The following MSRB3 variants were observed in gnomAD, a reference collection of about 807,000 sequenced individuals.
MSRB3 encodes methionine-R-sulfoxide reductase B3.
A neutral mutation model predicts 21.0 loss-of-function variants in MSRB3; 13 were observed. The observed-to-expected ratio is 0.62, with a 90% CI of 0.40 to 0.98. The LOEUF is 0.98. Among genes scored for constraint, MSRB3 ranks in the 50% least tolerant of loss-of-function variants. The pLI is 0.00. For synonymous variants in MSRB3, 87 were observed against 88.6 expected (o/e 0.98, Z 0.10); for missense variants, 199 against 230.3 (o/e 0.86, Z 0.88).
At chr12:65,366,507 G>A (rs1370455457) in intron 4 of MSRB3, among the ~76,000 whole-genome samples, 1 of 152,172 alleles carries the variant, frequency 6.6e-6, no homozygotes, top group African/African-American at 2.4e-5. Flanking sequence ...CTCATCATTG[G>A]TGGATCTAAA....
chr12:65,284,346 G>A (rs1027580913), intron 1 of MSRB3: 5 of 152,232 alleles, frequency 3.3e-5, no homozygotes, highest in African/African-American at 4.8e-5. Flanking sequence ...AAGACCTAAC[G>A]AGAATAGCGG....
In MSRB3 at chr12:65,332,117, G is replaced by A. The variant is rs142333134; in HGVS notation, c.263+3514G>A. On this transcript the variant is annotated intron_variant, in intron 4 of 6. Coordinates refer to ENST00000308259, the MANE Select transcript of MSRB3 (RefSeq NM_001031679.3). Reference sequence around the variant, plus strand: ...AGGCAAAGAAGATGGATTTAGAGGCGAGAGGCTCTAACTTTATTTGAGCAC... The same window carrying A: ...AGGCAAAGAAGATGGATTTAGAGGCAAGAGGCTCTAACTTTATTTGAGCAC... Among the ~76,000 whole-genome samples the A allele has an allele frequency of 7.2e-5, 11 of 152,288 alleles. No homozygotes were observed. The East Asian group carries it at 1.5e-3, about 21-fold the overall frequency.
chr12:65,400,263 A>G (rs940146812), intron 5 of MSRB3, among the ~76,000 whole-genome samples: 1 of 146,250 alleles, frequency 6.8e-6, no homozygotes, highest in Non-Finnish European at 1.5e-5. Flanking sequence ...TTGGTAGGCT[A>G]TTAATTATTG....
intron 1 of MSRB3, among the ~76,000 whole-genome samples, chr12:65,299,922 A>G (rs1315019058): frequency 6.6e-6 from 1 of 152,170 alleles, no homozygotes; most frequent in African/African-American, 2.4e-5. Context: ...GTGCACATCG[A>G]TTACTTCCAG....
intron 2 of MSRB3, among the ~76,000 whole-genome samples, chr12:65,315,814 A>T (rs2136433382): frequency 6.6e-6 from 1 of 152,118 alleles, no homozygotes; most frequent in South Asian, 2.1e-4. Flanking sequence ...AGATGTATTT[A>T]TTATATTGAG....
At chr12:65,450,917 A>G (rs1882828133) in intron 5 of MSRB3, among the ~76,000 whole-genome samples, 1 of 152,212 alleles carries the variant, frequency 6.6e-6, no homozygotes, top group Non-Finnish European at 1.5e-5. Context: ...CTTCTCTGCC[A>G]TAAGGCAGTT....
At chr12:65,301,839 A>G (rs1411434445) in intron 1 of MSRB3, among the ~76,000 whole-genome samples, 1 of 152,194 alleles carries the variant, frequency 6.6e-6, no homozygotes, top group Non-Finnish European at 1.5e-5. Context: ...TATGTACTTC[A>G]ACCAAAACAA....
In MSRB3 at chr12:65,464,541, G is replaced by A. The variant is rs1183544671; in HGVS notation, c.*1219G>A. On this transcript the variant is annotated 3_prime_UTR_variant, in exon 7 of 7. Transcript: ENST00000308259. ...CTAAAATTCAAAAAGAAGAACGCCT[G>A]TCCATCGCCTTTTTATAAGTCCTTC... 6.6e-6 allele frequency: 1 copy of A among 152,216 alleles called. No individual in the cohort carries two copies. The highest frequency in any genetic ancestry group is 1.5e-5 in the Non-Finnish European group (1 of 68,054). 9.4% of individuals were successfully genotyped at this position (152,216 alleles called of 1,614,324 possible).
chr12:65,326,360 C>G (rs1016905735), intron 2 of MSRB3, among the ~76,000 whole-genome samples: 1 of 151,978 alleles, frequency 6.6e-6, no homozygotes, highest in Non-Finnish European at 1.5e-5. Context: ...TTAAATCATC[C>G]ACAATGGAAA....
Position 65,278,883 on chromosome 12 carries a change from T to C in MSRB3, c.-52+18T>C. On this transcript the variant is annotated intron_variant, in intron 1 of 6. Coordinates refer to ENST00000308259, the MANE Select transcript of MSRB3 (RefSeq NM_001031679.3). ...GCAGTCCGGTAAGTTCGGGCTCCCC[T>C]CCCCTCTCCTCCTCGCCTCACCCCT... 6.5e-7 allele frequency: 1 copy of C among 1,550,184 alleles called. No individual in the cohort carries two copies. The highest frequency in any genetic ancestry group is 1.2e-5 in the South Asian group (1 of 83,992).
At chr12:65,446,377 A>T (rs549694010) in intron 5 of MSRB3, among the ~76,000 whole-genome samples, 1 of 152,342 alleles carries the variant, frequency 6.6e-6, no homozygotes, top group African/African-American at 2.4e-5. Context: ...AATCTGAGCC[A>T]GTTAAAGCGG....
At chr12:65,380,504 G>C (rs1878881629) in intron 5 of MSRB3, among the ~76,000 whole-genome samples, 2 of 152,144 alleles carry the variant, frequency 1.3e-5, no homozygotes, top group South Asian at 4.1e-4. Context: ...GAACCCGGGA[G>C]GTGGAGGCTG....
intron 2 of MSRB3, among the ~76,000 whole-genome samples, chr12:65,315,021 C>A (rs1874205507): frequency 6.6e-6 from 1 of 152,096 alleles, no homozygotes; most frequent in South Asian, 2.1e-4. Flanking sequence ...AAGGAATGAG[C>A]CATGAATGAC....
At chr12:65,339,527 G>A (rs1876003442) in intron 4 of MSRB3, among the ~76,000 whole-genome samples, 2 of 152,196 alleles carry the variant, frequency 1.3e-5, no homozygotes, top group African/African-American at 4.8e-5. Context: ...TAAATGTGGG[G>A]TTGGGAAGAG....
chr12:65,301,400 T>C (rs1483769112), intron 1 of MSRB3, among the ~76,000 whole-genome samples: 2 of 152,006 alleles, frequency 1.3e-5, no homozygotes, highest in South Asian at 2.1e-4. Context: ...GTTGTAAGAA[T>C]AGGTAAAATC....
At chr12:65,411,438 A>G (rs901225128) in intron 5 of MSRB3, among the ~76,000 whole-genome samples, 1 of 152,162 alleles carries the variant, frequency 6.6e-6, no homozygotes, top group Non-Finnish European at 1.5e-5. Flanking sequence ...TATGCTACCC[A>G]TTATACTCAG....
intron 2 of MSRB3, among the ~76,000 whole-genome samples, chr12:65,310,165 A>T (rs900023571): frequency 5.3e-5 from 8 of 152,140 alleles, no homozygotes; most frequent in African/African-American, 1.9e-4. Context: ...TTATGGTGAC[A>T]TGAGGGGCTA....
At chr12:65,303,204 A>G (rs937314327) in intron 1 of MSRB3, among the ~76,000 whole-genome samples, 1 of 152,146 alleles carries the variant, frequency 6.6e-6, no homozygotes, top group Non-Finnish European at 1.5e-5. Context: ...CAATCAGCTC[A>G]TTTATTCTGG....
intron 5 of MSRB3, among the ~76,000 whole-genome samples, chr12:65,388,068 C>A (rs1345514235): frequency 6.6e-6 from 1 of 152,092 alleles, no homozygotes; most frequent in Non-Finnish European, 1.5e-5. Flanking sequence ...CTTTCTATTT[C>A]TTTAGGAAAA....
Sources: allele counts gnomAD v4.1 joint callset (sites outside exome capture counted in the v4.1 genomes callset), GRCh38; gene constraint gnomAD v4.1.1; transcripts MANE v1.5; gene names NCBI Gene and HGNC (gene_info 2026-07-23, HGNC 2026-07-21).